MYO16: variants seen among roughly 807,000 people sequenced by gnomAD.
MYO16 encodes unconventional myosin-XVI.
In MYO16, 94 loss-of-function variants were observed where a neutral mutation model predicts 205.3. The observed-to-expected ratio is 0.46, with a 90% confidence interval of 0.39 to 0.54. MYO16 has a LOEUF of 0.54. MYO16 is among the 20% of genes least tolerant of loss of function. The pLI is 0.00. For missense variants in MYO16, 2,315 were observed against 2,387.5 expected (o/e 0.97, Z 0.63); for synonymous variants, 988 against 954.0 (o/e 1.04, Z -0.66).
Position 109,127,252 on chromosome 13 carries a change from G to A in MYO16, c.3783-30G>A. On this transcript the variant is annotated intron_variant, in intron 30 of 34. Coordinates refer to ENST00000457511, the MANE Select transcript of MYO16 (RefSeq NM_001198950.3). This position sits in a 1 kb window ranked among gnomAD's most constrained non-coding sequence, Gnocchi z 4.2. ...TAATGCATCTGGGCCTCTCTGGCGTGGTGCTGTTTGTGTTTTGTTTCCCCC... is the reference window on the plus strand; with the variant it reads ...TAATGCATCTGGGCCTCTCTGGCGTAGTGCTGTTTGTGTTTTGTTTCCCCC... 1 of 1,544,562 alleles carries A rather than the reference G, an allele frequency of 6.5e-7. No individual in the cohort carries two copies. Among genetic ancestry groups the A allele is most frequent in the Admixed American group, 1.9e-5 (1 of 52,940 alleles).
At chr13:108,517,018 A>T in the MYO16 span, among the ~76,000 whole-genome samples, 1 of 152,060 alleles carries the variant, frequency 6.6e-6, no homozygotes, top group African/African-American at 2.4e-5. Context: ...GTAGCTTCAA[A>T]TTCGTGGGTT....
intron 4 of MYO16, among the ~76,000 whole-genome samples, chr13:108,737,747 C>T (rs1884756160): frequency 6.6e-6 from 1 of 152,150 alleles, no homozygotes; most frequent in Non-Finnish European, 1.5e-5. Flanking sequence ...TAGAATTCAG[C>T]TGTGAATCCT....
At chr13:108,968,343 C>T (rs139912758) in intron 20 of MYO16, among the ~76,000 whole-genome samples, 12 of 152,312 alleles carry the variant, frequency 7.9e-5, no homozygotes, top group African/African-American at 2.9e-4. Flanking sequence ...GGCACAGTGG[C>T]TCATGCCTGT....
intron 21 of MYO16, among the ~76,000 whole-genome samples, chr13:108,997,361 A>G (rs1433777808): frequency 9.3e-3 from 58 of 6,212 alleles, no homozygotes; most frequent in East Asian, 0.033. Flanking sequence ...AGAGAGAGAG[A>G]GAGAGAGAGA....
At position 109,055,661 on chromosome 13, in the gene MYO16, A is replaced by G. The variant is rs138952016; in HGVS notation, c.3335+66A>G. ...TTCAGTGCAGTGTACTGACACTGAC[A>G]CTATTGTAGCAAGGGTCTTCTGTTG... On this transcript the variant is annotated intron_variant, in intron 27 of 34. Transcript: ENST00000457511. This position sits in a 1 kb window ranked among gnomAD's most constrained non-coding sequence, Gnocchi z 5.0. The G allele has an allele frequency of 2.9e-4, 403 of 1,369,078 alleles. 3 individuals carry two copies. The African/African-American group carries it at 4.6e-3, about 16-fold the overall frequency. 84.8% of individuals were successfully genotyped at this position (1,369,078 alleles called of 1,614,324 possible).
At chr13:108,738,984 T>G (rs1275298584) in intron 4 of MYO16, among the ~76,000 whole-genome samples, 5 of 152,216 alleles carry the variant, frequency 3.3e-5, no homozygotes, top group Non-Finnish European at 5.9e-5. Context: ...GTTTTCCATT[T>G]TCTTGGTAGA....
At chr13:108,987,231 G>T (rs1884673289) in intron 20 of MYO16, among the ~76,000 whole-genome samples, 1 of 152,166 alleles carries the variant, frequency 6.6e-6, no homozygotes, top group Non-Finnish European at 1.5e-5. Flanking sequence ...GGCCTCTCTG[G>T]TTACTCCCAG....
chr13:108,855,324 A>T, intron 10 of MYO16, 119 bp from the exon 11 acceptor site: 1 of 491,298 alleles, frequency 2.0e-6, no homozygotes, highest in South Asian at 5.2e-5. Flanking sequence ...TCTTAATAAC[A>T]GTTCCTAACT....
chr13:108,905,165 C>T (rs999629461), intron 15 of MYO16, among the ~76,000 whole-genome samples: 1 of 152,112 alleles, frequency 6.6e-6, no homozygotes, highest in Non-Finnish European at 1.5e-5. Flanking sequence ...CCTTCTAGAT[C>T]GAACTGCAGG....
chr13:108,608,755 G>A (rs1879059219), intron 1 of MYO16, among the ~76,000 whole-genome samples: 1 of 151,848 alleles, frequency 6.6e-6, no homozygotes, highest in Non-Finnish European at 1.5e-5. Context: ...TGATTCTCCT[G>A]CCTTGGCCTC....
At chr13:109,095,456 A>G (rs550670987) in intron 27 of MYO16, among the ~76,000 whole-genome samples, 20 of 152,356 alleles carry the variant, frequency 1.3e-4, no homozygotes, top group Admixed American at 3.3e-4. Flanking sequence ...GACACCACCT[A>G]TAGAAAACAC....
Position 109,009,033 on chromosome 13 carries a change from T to G in MYO16, c.2579T>G (p.Leu860Trp). Residue 860 changes from leucine (L) to tryptophan (W), a missense_variant, in exon 22 of 35, where the codon TTG (leucine) becomes TGG (tryptophan). Coordinates refer to ENST00000457511, the MANE Select transcript of MYO16 (RefSeq NM_001198950.3). ...AYSPGNQNGV[L>W]DFFFQKPSGF... is the part of the protein sequence containing the mutation. ...TCTCCTGGTAACCAGAATGGAGTTTTGGACTTTTTTTTCCAGGTATTCATA... is the reference window on the plus strand; with the variant it reads ...TCTCCTGGTAACCAGAATGGAGTTTGGGACTTTTTTTTCCAGGTATTCATA... 1.9e-6 allele frequency: 3 copies of G among 1,591,948 alleles called. No individual in the cohort carries two copies. Among genetic ancestry groups the G allele is most frequent in the Non-Finnish European group, 2.6e-6 (3 of 1,173,000 alleles).
intron 23 of MYO16, among the ~76,000 whole-genome samples, chr13:109,020,809 T>C (rs1397731409): frequency 6.6e-6 from 1 of 152,168 alleles, no homozygotes; most frequent in Non-Finnish European, 1.5e-5. Context: ...ACAGTGTATT[T>C]CAGTTCATTT....
chr13:108,928,122 T>C (rs1882091528), intron 16 of MYO16, among the ~76,000 whole-genome samples: 1 of 152,130 alleles, frequency 6.6e-6, no homozygotes, highest in South Asian at 2.1e-4. Flanking sequence ...TTTTCTCCTT[T>C]CTCTACAAGG....
At chr13:109,117,154 G>C (rs1297179270) in intron 28 of MYO16, among the ~76,000 whole-genome samples, 1 of 151,928 alleles carries the variant, frequency 6.6e-6, no homozygotes, top group Non-Finnish European at 1.5e-5. Context: ...TGACTCTAGG[G>C]TCTGACTTAA....
intron 1 of MYO16, among the ~76,000 whole-genome samples, chr13:108,596,620 T>A (rs1878573233): frequency 6.6e-6 from 1 of 152,212 alleles, no homozygotes; most frequent in African/African-American, 2.4e-5. Flanking sequence ...TTGAAGCTCA[T>A]AATAGAAAAT....
At position 109,141,333 on chromosome 13, in the gene MYO16, G is replaced by A; in HGVS notation, c.5121G>A (p.Val1707=). 6.4e-7 allele frequency: 1 copy of A among 1,563,436 alleles called. No homozygotes were observed. The highest frequency in any genetic ancestry group is 8.6e-7 in the Non-Finnish European group (1 of 1,158,950). Residue 1707 remains valine (V), a synonymous_variant, in exon 32 of 35, where the codon GTG becomes GTA. Coordinates refer to ENST00000457511, the MANE Select transcript of MYO16 (RefSeq NM_001198950.3). The surrounding 1 kb of genome is among the most constrained non-coding windows in gnomAD (Gnocchi z 4.1). ...LASLFNSGRS[V]LRKSAAGRKI... ...GCCTCTTCAACTCGGGGAGGAGTGT[G>A]CTTCGGAAATCCGCGGCGGGAAGAA...
Position 109,055,161 on chromosome 13 carries a change from T to C in MYO16, c.3129+35T>C. 6.7e-7 allele frequency: 1 copy of C among 1,486,322 alleles called. No homozygotes were observed. The highest frequency in any genetic ancestry group is 9.2e-7 in the Non-Finnish European group (1 of 1,090,858). 92.1% of individuals were successfully genotyped at this position (1,486,322 alleles called of 1,614,324 possible). A position where few individuals can be genotyped will look rare whatever the true frequency, so the allele number is the denominator to read the frequency against. On this transcript the variant is annotated intron_variant, in intron 26 of 34. Transcript: ENST00000457511. This position sits in a 1 kb window ranked among gnomAD's most constrained non-coding sequence, Gnocchi z 5.0. The stretch of plus-strand genomic sequence containing the variant: ...GTTTTCAGATTTCAAAAACTTAATG[T>C]ATGTTTATAGCAACTAAAGAGGGTT...
At chr13:109,185,065 T>C (rs547899007) in intron 34 of MYO16, among the ~76,000 whole-genome samples, 184 of 152,322 alleles carry the variant, frequency 1.2e-3, no homozygotes, top group African/African-American at 4.3e-3. Context: ...CCACCGCACC[T>C]GGCTGTGACT....
Sources: gnomAD v4.1 joint callset for allele counts (sites outside exome capture counted in the v4.1 genomes callset) on GRCh38, gnomAD v4.1.1 for gene constraint, Gnocchi (gnomAD v3.1) non-coding constraint, MANE v1.5 for transcripts, NCBI Gene and HGNC (gene_info 2026-07-23, HGNC 2026-07-21) for gene names.